Variants in EDIL3 observed in about 807,000 individuals in gnomAD.
EDIL3 encodes EGF-like repeat and discoidin I-like domain-containing protein 3.
In EDIL3, 37 loss-of-function variants were observed where a neutral mutation model predicts 67.4. The ratio of observed to expected loss-of-function variants is 0.55; its 90% confidence interval spans 0.42 to 0.72. The LOEUF is 0.72. Ranked by LOEUF, EDIL3 falls within the 30% of genes least tolerant of loss-of-function variation. The pLI is 0.00. For missense variants in EDIL3, 527 were observed against 586.3 expected (o/e 0.90, Z 1.04); for synonymous variants, 195 against 196.3 (o/e 0.99, Z 0.05).
chr5:84,086,446 TC>T (rs1482201269), intron 6 of EDIL3, among the ~76,000 whole-genome samples: 2 of 152,104 alleles, frequency 1.3e-5, no homozygotes, highest in African/African-American at 4.8e-5. Context: ...AGAAGCGACG[TC>T]CCACCCTGCT....
chr5:83,968,460 C>A (rs1486851631), intron 9 of EDIL3, among the ~76,000 whole-genome samples: 2 of 151,932 alleles, frequency 1.3e-5, no homozygotes, highest in Non-Finnish European at 2.9e-5. Flanking sequence ...AAAACTCATA[C>A]CATGAAATAA....
chr5:84,284,945 T>C (rs892880388), intron 1 of EDIL3, among the ~76,000 whole-genome samples: 4 of 152,206 alleles, frequency 2.6e-5, no homozygotes, highest in African/African-American at 7.2e-5. Flanking sequence ...TTCAGTGACA[T>C]TCTGTGACCA....
At position 83,947,459 on chromosome 5, in the gene EDIL3, A is replaced by G. The variant is rs182992212; in HGVS notation, c.1294-3891T>C. Among the ~76,000 whole-genome samples the G allele has an allele frequency of 7.7e-3, 1,170 of 151,336 alleles. 9 individuals carry two copies. The highest frequency in any genetic ancestry group is 0.012 in the Non-Finnish European group (809 of 67,788). Reference sequence around the variant, plus strand: ...TCTTTATTTAACATACATAATTTCAATCCTTTGAGCTTTCATCCAGAGCAC... The same window carrying G: ...TCTTTATTTAACATACATAATTTCAGTCCTTTGAGCTTTCATCCAGAGCAC... On this transcript the variant is annotated intron_variant, in intron 10 of 10. Coordinates refer to ENST00000296591, the MANE Select transcript of EDIL3 (RefSeq NM_005711.5).
At chr5:84,245,822 C>T (rs941969595) in intron 2 of EDIL3, among the ~76,000 whole-genome samples, 1 of 151,228 alleles carries the variant, frequency 6.6e-6, no homozygotes, top group Non-Finnish European at 1.5e-5. Flanking sequence ...TTTGGCTGTG[C>T]CACAAGTGAT....
intron 4 of EDIL3, among the ~76,000 whole-genome samples, chr5:84,167,834 T>A (rs944461056): frequency 2.0e-5 from 3 of 152,158 alleles, no homozygotes; most frequent in Non-Finnish European, 4.4e-5. Flanking sequence ...TACATTTAAA[T>A]TCTCAGCTCT....
intron 3 of EDIL3, among the ~76,000 whole-genome samples, chr5:84,184,698 T>C (rs1749075663): frequency 6.6e-6 from 1 of 152,136 alleles, no homozygotes; most frequent in Non-Finnish European, 1.5e-5. Context: ...AAGCTGAAGA[T>C]AGAGTGAACA....
intron 10 of EDIL3, among the ~76,000 whole-genome samples, chr5:83,957,481 A>C (rs1465781158): frequency 6.6e-6 from 1 of 151,676 alleles, no homozygotes; most frequent in Non-Finnish European, 1.5e-5. Context: ...CAGCTCTCCA[A>C]AACTACTCAC....
At chr5:83,947,836 G>A (rs1395997694) in intron 10 of EDIL3, among the ~76,000 whole-genome samples, 5 of 151,750 alleles carry the variant, frequency 3.3e-5, no homozygotes, top group African/African-American at 1.2e-4. Context: ...AACAATAATT[G>A]ACACAAACCT....
At chr5:84,220,561 A>G (rs1165207825) in intron 3 of EDIL3, among the ~76,000 whole-genome samples, 1 of 152,194 alleles carries the variant, frequency 6.6e-6, no homozygotes, top group African/African-American at 2.4e-5. Flanking sequence ...TGAAAAAGAG[A>G]TGTTATGACC....
chr5:84,089,007 T>C (rs1181200653), intron 6 of EDIL3, among the ~76,000 whole-genome samples: 3 of 152,042 alleles, frequency 2.0e-5, no homozygotes, highest in Non-Finnish European at 4.4e-5. Flanking sequence ...TTCTCTAGAG[T>C]CCTGCAAAAT....
intron 9 of EDIL3, among the ~76,000 whole-genome samples, chr5:84,010,744 C>A (rs185061098): frequency 1.1e-4 from 16 of 152,218 alleles, no homozygotes; most frequent in African/African-American, 3.9e-4. Flanking sequence ...TTAAATAAAT[C>A]TGGGATCTGC....
At chr5:84,384,216 G>T (rs1171266466) in intron 1 of EDIL3, 92 bp downstream of exon 1, 1 of 1,473,214 alleles carries the variant, frequency 6.8e-7, no homozygotes. Flanking sequence ...CCCTTGGCAC[G>T]CCGGAGGGAC....
At chr5:84,018,770 T>C (rs1423909149) in intron 9 of EDIL3, among the ~76,000 whole-genome samples, 1 of 147,776 alleles carries the variant, frequency 6.8e-6, no homozygotes, top group Admixed American at 6.9e-5. Context: ...AACCACAGAA[T>C]GCAGCCAAAA....
intron 9 of EDIL3, among the ~76,000 whole-genome samples, chr5:84,012,862 T>C (rs1745540108): frequency 2.0e-5 from 3 of 152,026 alleles, no homozygotes; most frequent in Admixed American, 1.3e-4. Flanking sequence ...GCCAAACTTA[T>C]TACTCTACAA....
intron 1 of EDIL3, among the ~76,000 whole-genome samples, chr5:84,328,890 T>C (rs72780537): frequency 0.084 from 12,809 of 152,118 alleles, 702 homozygotes; most frequent in South Asian, 0.2. Flanking sequence ...GGGAACTTTC[T>C]ACTCTTCTGT....
chr5:84,064,628 T>G, intron 8 of EDIL3, 72 bp downstream of exon 8: 1 of 1,493,544 alleles, frequency 6.7e-7, no homozygotes, highest in Non-Finnish European at 9.0e-7. Context: ...TGTAGGTTAG[T>G]AACAGGCTAC....
rs781535438 is a variant in EDIL3, at chr5:84,254,180, C to T, written c.100G>A (p.Gly34Arg). 6.2e-7 allele frequency: 1 copy of T among 1,612,218 alleles called. No individual in the cohort carries two copies. Among genetic ancestry groups the T allele is most frequent in the Admixed American group, 1.7e-5 (1 of 59,816 alleles). Residue 34 changes from glycine (G) to arginine (R), a missense_variant, in exon 2 of 11, where the codon GGA becomes AGA. Around this residue, in one of 2 missense-constraint regions of EDIL3, gnomAD observed 494 missense variants for 522.5 expected, o/e 0.95. Transcript: ENST00000296591. ...GCCAATCCTGGCAAACAGATACCTC[C>T]ATTTTCACATGGATTGGGATCACAA... is the stretch of plus-strand genomic sequence containing the variant. The part of the protein sequence containing the change: ...DICDPNPCEN[G>R]GICLPGLADG...
At chr5:84,057,836 G>A (rs1276657908) in intron 9 of EDIL3, among the ~76,000 whole-genome samples, 1 of 152,018 alleles carries the variant, frequency 6.6e-6, no homozygotes, top group Non-Finnish European at 1.5e-5. Context: ...CATGTGTTAG[G>A]TTAGTTAGAT....
At chr5:84,072,021 G>C (rs1224117324) in intron 6 of EDIL3, among the ~76,000 whole-genome samples, 5 of 151,990 alleles carry the variant, frequency 3.3e-5, no homozygotes, top group African/African-American at 4.8e-5. Flanking sequence ...TTAGATCATT[G>C]CCTATCATCC....
Sources: allele counts gnomAD v4.1 joint callset (sites outside exome capture counted in the v4.1 genomes callset), GRCh38; gene constraint gnomAD v4.1.1; regional missense constraint gnomAD v4.1.1; transcripts MANE v1.5; gene names NCBI Gene and HGNC (gene_info 2026-07-23, HGNC 2026-07-21).